The following NRXN3 variants were observed in gnomAD, a reference collection of about 807,000 sequenced individuals.
NRXN3 encodes the protein neurexin III.
Under a neutral mutation model 137.6 loss-of-function variants are expected in NRXN3, and 32 were observed. The observed-to-expected ratio is 0.23, with a 90% CI of 0.18 to 0.31. The LOEUF is 0.31. Ranked by LOEUF, NRXN3 falls within the 10% of genes least tolerant of loss-of-function variation. The probability of loss-of-function intolerance (pLI) is 1.00; values close to 1 mark genes in which losing one functional copy is unlikely to be tolerated. For synonymous variants in NRXN3, 798 were observed against 784.5 expected, an observed-to-expected ratio of 1.02 and a Z score of -0.29; for missense variants, 1,574 against 2,062.5, an observed-to-expected ratio of 0.76 and a Z score of 4.59.
At chr14:78,509,908 A>T (rs1461357792) in intron 4 of NRXN3, among the ~76,000 whole-genome samples, 1 of 152,020 alleles carries the variant, frequency 6.6e-6, no homozygotes, top group Non-Finnish European at 1.5e-5. Context: ...AGAAACACAA[A>T]TTGTTAGTGC....
At chr14:78,353,981 G>A (rs946981626) in intron 4 of NRXN3, among the ~76,000 whole-genome samples, 4 of 152,098 alleles carry the variant, frequency 2.6e-5, no homozygotes, top group African/African-American at 9.7e-5. Context: ...TTTTCTCAGT[G>A]ACCTGCACTA....
chr14:78,932,822 T>C (rs2099326039), intron 10 of NRXN3, among the ~76,000 whole-genome samples: 1 of 152,178 alleles, frequency 6.6e-6, no homozygotes, highest in East Asian at 1.9e-4. Context: ...TTTTTATTGT[T>C]CAATGAAGTA....
rs141967363 is a variant in NRXN3, at chr14:78,191,850, G to A, written c.-704+21176G>A. On this transcript the variant is annotated intron_variant, in intron 1 of 20. Coordinates refer to ENST00000335750, the MANE Select transcript of NRXN3 (RefSeq NM_001330195.2). ...GTTCCAGAAACTGGGATGAGCAGGG[G>A]ATATTAAATCATCCCTTCCCCTCTT... Among the ~76,000 whole-genome samples the A allele has an allele frequency of 5.8e-4, 88 of 152,272 alleles. No individual in the cohort carries two copies. In the East Asian group the frequency reaches 0.016, roughly 28 times the overall value.
At chr14:79,823,945 T>C (rs1307551649) in intron 20 of NRXN3, 3 of 444,720 alleles carry the variant, frequency 6.7e-6, no homozygotes, top group African/African-American at 4.0e-5. Flanking sequence ...GCAGCAGCAG[T>C]GGGCACAAGC....
chr14:78,412,525 A>G (rs2092893289), intron 4 of NRXN3, among the ~76,000 whole-genome samples: 1 of 152,184 alleles, frequency 6.6e-6, no homozygotes, highest in African/African-American at 2.4e-5. Context: ...CCAGGTGAGT[A>G]TTGGTTCACA....
At chr14:78,224,448 C>G (rs2064241775) in intron 1 of NRXN3, among the ~76,000 whole-genome samples, 1 of 151,976 alleles carries the variant, frequency 6.6e-6, no homozygotes, top group Non-Finnish European at 1.5e-5. Flanking sequence ...ACAACAGTCC[C>G]CAGAGTGTGA....
At chr14:79,450,575 A>G (rs2096151252) in intron 15 of NRXN3, among the ~76,000 whole-genome samples, 1 of 143,894 alleles carries the variant, frequency 6.9e-6, no homozygotes, top group Admixed American at 6.9e-5. Context: ...AATTAAAAAT[A>G]AGGCCAGGGG....
chr14:79,754,213 A>G (rs1603464175), intron 19 of NRXN3, among the ~76,000 whole-genome samples: 1 of 152,008 alleles, frequency 6.6e-6, no homozygotes, highest in East Asian at 1.9e-4. Flanking sequence ...GTGGTGGCAC[A>G]TGGCTGTAAT....
At chr14:78,974,942 C>A (rs900326799) in intron 14 of NRXN3, among the ~76,000 whole-genome samples, 17 of 152,118 alleles carry the variant, frequency 1.1e-4, no homozygotes, top group Admixed American at 2.0e-4. Context: ...TAAGAAGTGA[C>A]GTAATGAGTC....
intron 4 of NRXN3, among the ~76,000 whole-genome samples, chr14:78,439,904 T>G (rs1399438651): frequency 1.3e-5 from 2 of 152,152 alleles, no homozygotes; most frequent in Non-Finnish European, 2.9e-5. Flanking sequence ...TCTATTCCAG[T>G]CTGCCTACTC....
chr14:78,829,993 G>A (rs889561989), intron 10 of NRXN3, among the ~76,000 whole-genome samples: 2 of 152,144 alleles, frequency 1.3e-5, no homozygotes, highest in Non-Finnish European at 2.9e-5. Flanking sequence ...CCGAAAGAGA[G>A]GAAAACTCTG....
intron 4 of NRXN3, among the ~76,000 whole-genome samples, chr14:78,502,669 C>T (rs2095901832): frequency 6.6e-6 from 1 of 152,150 alleles, no homozygotes; most frequent in Non-Finnish European, 1.5e-5. Flanking sequence ...TCTAAATGGA[C>T]CCAATTTTAC....
chr14:79,635,022 G>A lies in NRXN3; in HGVS notation c.3445-28756G>A, dbSNP rs75507093. Among the ~76,000 whole-genome samples the A allele has an allele frequency of 1.7e-3, 263 of 152,292 alleles. 2 individuals carry two copies. In the East Asian group the frequency reaches 0.019, roughly 11 times the overall value. On this transcript the variant is annotated intron_variant, in intron 16 of 20. Coordinates refer to ENST00000335750, the MANE Select transcript of NRXN3 (RefSeq NM_001330195.2). ...GTTCTGTTGCACAGTAGGGTAACTA[G>A]AGTTAACAATAATATATTGTGTCAT...
intron 6 of NRXN3, among the ~76,000 whole-genome samples, chr14:78,674,504 C>T (rs2097977737): frequency 6.6e-6 from 1 of 152,168 alleles, no homozygotes; most frequent in Non-Finnish European, 1.5e-5. Context: ...AGGGAAAAGT[C>T]TTTCATGCCT....
chr14:79,393,428 A>G (rs1303560347), intron 15 of NRXN3, among the ~76,000 whole-genome samples: 1 of 152,234 alleles, frequency 6.6e-6, no homozygotes, highest in Non-Finnish European at 1.5e-5. Context: ...TCTCCGAATG[A>G]AGTTCACTGT....
intron 4 of NRXN3, among the ~76,000 whole-genome samples, chr14:78,540,339 T>A (rs1229385637): frequency 6.6e-6 from 1 of 152,184 alleles, no homozygotes; most frequent in Non-Finnish European, 1.5e-5. Flanking sequence ...TCTTGTTGAA[T>A]TGATCCCTTT....
rs947806463 is a variant in NRXN3 at position 78,983,873 on chromosome 14, GAA to G, written c.3143-4141_3143-4140del. On this transcript the variant is annotated intron_variant, in intron 14 of 20. Coordinates refer to ENST00000335750, the MANE Select transcript of NRXN3 (RefSeq NM_001330195.2). Reference sequence around the variant, plus strand: ...TCCATTTAAAAAAAAAAAAAAAAAAGAAAAAAAAAGAAAAAAAGGCTGGAAAT... The same window carrying G: ...TCCATTTAAAAAAAAAAAAAAAAAAGAAAAAAAGAAAAAAAGGCTGGAAAT... 4.6e-5 allele frequency among the ~76,000 whole-genome samples: 6 copies of G among 130,694 alleles called. No individual in the cohort carries two copies. In the South Asian group the frequency reaches 1.5e-3, roughly 32 times the overall value. 85.7% of individuals were successfully genotyped at this position (130,694 alleles called of 152,430 possible).
At chr14:78,949,032 C>T (rs935621242) in intron 10 of NRXN3, among the ~76,000 whole-genome samples, 1 of 152,182 alleles carries the variant, frequency 6.6e-6, no homozygotes, top group African/African-American at 2.4e-5. Flanking sequence ...TAAATGAGAC[C>T]ACGTATGCAA....
rs180845358 is a variant in NRXN3, at chr14:78,438,447, G to A, written c.757+140587G>A. 5.8e-3 allele frequency among the ~76,000 whole-genome samples: 879 copies of A among 152,308 alleles called. 1 individual carries two copies. The highest frequency in any genetic ancestry group is 0.02 in the African/African-American group (830 of 41,558). On this transcript the variant is annotated intron_variant, in intron 4 of 20. Coordinates refer to ENST00000335750, the MANE Select transcript of NRXN3 (RefSeq NM_001330195.2). Reference sequence around the variant, plus strand: ...GGCTCAGCAACTCAAATATTGCCAAGGGTGAGGGGTTGAAACAAGTGTGTG... The same window carrying A: ...GGCTCAGCAACTCAAATATTGCCAAAGGTGAGGGGTTGAAACAAGTGTGTG...
Sources: gnomAD v4.1 joint callset for allele counts (sites outside exome capture counted in the v4.1 genomes callset) on GRCh38, gnomAD v4.1.1 for gene constraint, MANE v1.5 for transcripts, NCBI Gene and HGNC (gene_info 2026-07-23, HGNC 2026-07-21) for gene names.